Variants in BANK1 observed in about 807,000 individuals in gnomAD.
BANK1 encodes B cell scaffold protein with ankyrin repeats 1.
BANK1 carries 95 observed loss-of-function variants against 94.5 expected under a neutral mutation model. The observed-to-expected ratio is 1.00, with a 90% CI of 0.85 to 1.19. BANK1 has a LOEUF of 1.19. Among genes scored for constraint, BANK1 ranks in the 50% most tolerant of loss-of-function variants. The pLI is 0.00. For synonymous variants in BANK1, 334 were observed against 308.4 expected (o/e 1.08, Z -0.87); for missense variants, 987 against 932.2 (o/e 1.06, Z -0.77).
chr4:101,895,266 A>T (rs1722021618), intron 5 of BANK1, 39 bp from the exon 6 acceptor site: 1 of 1,197,394 alleles, frequency 8.4e-7, no homozygotes, highest in Non-Finnish European at 1.2e-6. Context: ...TATGTAAATA[A>T]TTAACCTAGT....
chr4:101,978,928 C>T (rs542260636), intron 7 of BANK1, among the ~76,000 whole-genome samples: 1 of 152,100 alleles, frequency 6.6e-6, no homozygotes, highest in South Asian at 2.1e-4. Context: ...GTTTAGCTTT[C>T]CTACTTGTAT....
intron 7 of BANK1, among the ~76,000 whole-genome samples, chr4:101,921,995 G>A (rs923667788): frequency 1.3e-5 from 2 of 149,014 alleles, no homozygotes; most frequent in African/African-American, 4.9e-5. Context: ...CTTTGTCCCT[G>A]TGGACACTGG....
In BANK1 at chr4:101,801,695, G is replaced by A. The variant is rs181024243; in HGVS notation, c.70+10745G>A. Among the ~76,000 whole-genome samples the A allele has an allele frequency of 1.1e-3, 175 of 152,246 alleles. 1 individual carries two copies. Among genetic ancestry groups the A allele is most frequent in the African/African-American group, 3.8e-3 (157 of 41,556 alleles). On this transcript the variant is annotated intron_variant, in intron 1 of 16. Coordinates refer to ENST00000322953, the MANE Select transcript of BANK1 (RefSeq NM_017935.5). ...TTTCTTTGGCATTTTGATTTCATCT[G>A]TGTGTTATATATTCACATGATTTAT... is the stretch of plus-strand genomic sequence containing the variant.
At chr4:101,841,875 G>A (rs1470938652) in intron 2 of BANK1, among the ~76,000 whole-genome samples, 1 of 147,734 alleles carries the variant, frequency 6.8e-6, no homozygotes, top group Non-Finnish European at 1.5e-5. Flanking sequence ...AATATGCGGT[G>A]TTTGGTTTTT....
intron 7 of BANK1, among the ~76,000 whole-genome samples, chr4:101,932,847 T>TA (rs1269510729): frequency 5.9e-5 from 9 of 151,480 alleles, no homozygotes; most frequent in Non-Finnish European, 1.3e-4. Flanking sequence ...TGTGCATGGG[T>TA]AAAAATTACA....
intron 5 of BANK1, among the ~76,000 whole-genome samples, chr4:101,875,473 A>G (rs774912837): frequency 1.3e-5 from 2 of 152,174 alleles, no homozygotes; most frequent in African/African-American, 2.4e-5. Flanking sequence ...GAAGCAAGGT[A>G]CATTTTACAT....
intron 7 of BANK1, among the ~76,000 whole-genome samples, chr4:102,010,104 A>C (rs1216470114): frequency 2.0e-5 from 3 of 151,894 alleles, no homozygotes; most frequent in African/African-American, 7.2e-5. Context: ...TCTCTACTAA[A>C]AATACAAAAA....
rs139046421 is a variant in BANK1 at position 101,823,802 on chromosome 4, G to T, written c.71-6006G>T. Among the ~76,000 whole-genome samples the T allele has an allele frequency of 2.0e-5, 3 of 152,292 alleles. No homozygotes were observed. In the East Asian group the frequency reaches 5.8e-4, roughly 29 times the overall value. ...ATTTGCATAAAAATTTTTGCTGGTTGTTCTTCACCATAGCTGAAAAGCATA... is the reference window on the plus strand; with the variant it reads ...ATTTGCATAAAAATTTTTGCTGGTTTTTCTTCACCATAGCTGAAAAGCATA... On this transcript the variant is annotated intron_variant, in intron 1 of 16. Transcript: ENST00000322953.
intron 5 of BANK1, among the ~76,000 whole-genome samples, chr4:101,872,316 G>A (rs1262485865): frequency 3.9e-5 from 6 of 152,082 alleles, no homozygotes; most frequent in African/African-American, 1.4e-4. Context: ...CTGTCATGAG[G>A]GCACCTAGAA....
chr4:101,852,470 C>CTATATATATATA (rs541955636), intron 2 of BANK1, among the ~76,000 whole-genome samples: 73 of 103,744 alleles, frequency 7.0e-4, no homozygotes, highest in Non-Finnish European at 8.4e-4. Flanking sequence ...TATTTTTCGG[C>CTATATATATATA]TATATATATA....
At chr4:101,803,025 T>C (rs1725407933) in intron 1 of BANK1, among the ~76,000 whole-genome samples, 1 of 152,238 alleles carries the variant, frequency 6.6e-6, no homozygotes, top group Non-Finnish European at 1.5e-5. Flanking sequence ...GATATTTAAA[T>C]GTGTGAGAGA....
At chr4:101,926,130 T>G (rs187984921) in intron 7 of BANK1, among the ~76,000 whole-genome samples, 133 of 151,838 alleles carry the variant, frequency 8.8e-4, no homozygotes, top group Non-Finnish European at 1.5e-3. Context: ...CCAATGTAGA[T>G]TGGGTATATA....
intron 5 of BANK1, among the ~76,000 whole-genome samples, chr4:101,878,678 T>C (rs1282701078): frequency 1.3e-5 from 2 of 152,136 alleles, no homozygotes; most frequent in Non-Finnish European, 2.9e-5. Context: ...ACATGACCAT[T>C]CTCAAAAATA....
chr4:101,822,077 A>G (rs1020894325), intron 1 of BANK1, among the ~76,000 whole-genome samples: 1 of 152,118 alleles, frequency 6.6e-6, no homozygotes, highest in Non-Finnish European at 1.5e-5. Context: ...GCACTTGGCA[A>G]GGCGTGGTGG....
At position 102,013,577 on chromosome 4, in the gene BANK1, A is replaced by C. The variant is rs377592722; in HGVS notation, c.1207-7937A>C. On this transcript the variant is annotated intron_variant, in intron 7 of 16. Coordinates refer to ENST00000322953, the MANE Select transcript of BANK1 (RefSeq NM_017935.5). ...GAATTTCCATTTATAGCCCTCCTTA[A>C]TTTCTGCTAGTTCAAATGGTCCACT... Among the ~76,000 whole-genome samples the C allele has an allele frequency of 4.1e-3, 619 of 152,070 alleles. 4 individuals are homozygous for C. The highest frequency in any genetic ancestry group is 7.2e-3 in the Non-Finnish European group (489 of 67,916).
At chr4:101,976,954 C>T (rs933386353) in intron 7 of BANK1, 5 of 151,946 alleles carry the variant, frequency 3.3e-5, no homozygotes, top group African/African-American at 1.2e-4. Context: ...TATGAATCAG[C>T]AAATATTATG....
intron 6 of BANK1, 44 bp downstream of exon 6, chr4:101,895,454 C>A: frequency 1.7e-6 from 2 of 1,169,692 alleles, no homozygotes; most frequent in South Asian, 1.3e-5. Context: ...TTATCACATT[C>A]CATTCTATGT....
At chr4:101,894,203 G>A (rs185186230) in intron 5 of BANK1, among the ~76,000 whole-genome samples, 1 of 152,078 alleles carries the variant, frequency 6.6e-6, no homozygotes, top group African/African-American at 2.4e-5. Flanking sequence ...TTTTTGGAAG[G>A]CAGAGCTTTT....
intron 7 of BANK1, among the ~76,000 whole-genome samples, chr4:101,987,214 G>A (rs1039420749): frequency 1.2e-4 from 18 of 151,686 alleles, no homozygotes; most frequent in African/African-American, 4.4e-4. Context: ...AGCCAAATGG[G>A]TAATCAGTCC....
Sources: allele counts gnomAD v4.1 joint callset (sites outside exome capture counted in the v4.1 genomes callset), GRCh38; gene constraint gnomAD v4.1.1; transcripts MANE v1.5; gene names NCBI Gene and HGNC (gene_info 2026-07-23, HGNC 2026-07-21).